Variants in PHACTR1 observed in about 807,000 individuals in gnomAD.
PHACTR1 encodes the protein phosphatase and actin regulator 1.
Under a neutral mutation model 69.2 loss-of-function variants are expected in PHACTR1, and 16 were observed. The observed-to-expected ratio is 0.23, with a 90% CI of 0.16 to 0.35. PHACTR1 has a LOEUF of 0.35. PHACTR1 is among the 10% of genes least tolerant of loss of function. PHACTR1 has a pLI of 1.00. For synonymous variants in PHACTR1, 312 were observed against 284.5 expected (o/e 1.10, Z -0.97); for missense variants, 510 against 734.7 (o/e 0.69, Z 3.54).
chr6:13,100,770 G>A (rs186637423), intron 5 of PHACTR1, among the ~76,000 whole-genome samples: 100 of 152,312 alleles, frequency 6.6e-4, no homozygotes, highest in Non-Finnish European at 2.1e-4. Flanking sequence ...AATGTAAGAC[G>A]ATTGATGCTT....
rs1250584454 is a variant in PHACTR1 at position 13,272,930 on chromosome 6, C to A, written c.1447+15C>A. On this transcript the variant is annotated intron_variant, in intron 11 of 14. Transcript: ENST00000332995. ...CATTTTGAAACGTAAGTGACTAAGCCCATGGCAATCCCTGATGTTTTGTGG... is the reference window on the plus strand; with the variant it reads ...CATTTTGAAACGTAAGTGACTAAGCACATGGCAATCCCTGATGTTTTGTGG... The A allele has an allele frequency of 6.2e-7, 1 of 1,613,584 alleles. No homozygotes were observed. Among genetic ancestry groups the A allele is most frequent in the Admixed American group, 1.7e-5 (1 of 59,882 alleles).
intron 4 of PHACTR1, among the ~76,000 whole-genome samples, chr6:12,834,445 A>G (rs1777931026): frequency 6.6e-6 from 1 of 152,196 alleles, no homozygotes; most frequent in Non-Finnish European, 1.5e-5. Flanking sequence ...GTTTAAAATG[A>G]TAAAGTGAAA....
At chr6:12,753,943 A>AATATATATATAT (rs775836853) in intron 4 of PHACTR1, among the ~76,000 whole-genome samples, 4 of 86,274 alleles carry the variant, frequency 4.6e-5, no homozygotes, top group South Asian at 3.1e-4. Context: ...GCAAGTTGTA[A>AATATATATATAT]ATATATATAT....
intron 4 of PHACTR1, among the ~76,000 whole-genome samples, chr6:12,887,312 A>C (rs188538249): frequency 2.2e-4 from 34 of 152,360 alleles, no homozygotes; most frequent in Admixed American, 1.3e-3. Context: ...ACCTGAAGAC[A>C]GTAAAGGGAG....
intron 4 of PHACTR1, among the ~76,000 whole-genome samples, chr6:12,836,210 G>A (rs1180560833): frequency 6.6e-6 from 1 of 152,082 alleles, no homozygotes; most frequent in Non-Finnish European, 1.5e-5. Flanking sequence ...AAAATATGAA[G>A]TATCAGCCTG....
At chr6:13,019,494 G>T (rs1010722011) in intron 4 of PHACTR1, among the ~76,000 whole-genome samples, 11 of 152,174 alleles carry the variant, frequency 7.2e-5, no homozygotes, top group Non-Finnish European at 1.2e-4. Flanking sequence ...TCTGTTTCAG[G>T]CTCAGAGTAT....
intron 4 of PHACTR1, among the ~76,000 whole-genome samples, chr6:12,758,466 TA>T (rs11361990): frequency 0.35 from 33,044 of 95,778 alleles, 4,504 homozygotes; most frequent in Middle Eastern, 0.53. Context: ...ACTCTCTTTC[TA>T]AAAAAAAAAA....
intron 4 of PHACTR1, among the ~76,000 whole-genome samples, chr6:12,860,842 C>G (rs895163578): frequency 2.0e-5 from 3 of 152,172 alleles, no homozygotes; most frequent in African/African-American, 7.2e-5. Context: ...TAAGTGTACT[C>G]TTCTTCCAAG....
intron 4 of PHACTR1, among the ~76,000 whole-genome samples, chr6:12,861,066 T>G (rs192503515): frequency 2.1e-3 from 324 of 152,370 alleles, no homozygotes; most frequent in African/African-American, 7.5e-3. Context: ...ACACAGTTTT[T>G]GATGTGTTAT....
intron 4 of PHACTR1, among the ~76,000 whole-genome samples, chr6:12,836,831 C>T (rs1778219773): frequency 6.6e-6 from 1 of 152,104 alleles, no homozygotes; most frequent in African/African-American, 2.4e-5. Flanking sequence ...TCTTTCAGGT[C>T]CTACATGCCA....
intron 4 of PHACTR1, among the ~76,000 whole-genome samples, chr6:12,980,022 T>C (rs533958099): frequency 6.6e-6 from 1 of 152,308 alleles, no homozygotes; most frequent in Admixed American, 6.5e-5. Flanking sequence ...GTGGAGATAG[T>C]TCTCTTCATG....
At chr6:12,850,944 G>A (rs1779764281) in intron 4 of PHACTR1, among the ~76,000 whole-genome samples, 1 of 152,166 alleles carries the variant, frequency 6.6e-6, no homozygotes, top group African/African-American at 2.4e-5. Context: ...CACATTCCAA[G>A]GTACGGGAAT....
At chr6:12,929,222 C>T (rs1788610599) in intron 4 of PHACTR1, among the ~76,000 whole-genome samples, 1 of 152,126 alleles carries the variant, frequency 6.6e-6, no homozygotes, top group African/African-American at 2.4e-5. Context: ...TCAGAGTTTC[C>T]CCACGTGGTT....
At chr6:13,122,470 C>G (rs1346726835) in intron 5 of PHACTR1, among the ~76,000 whole-genome samples, 6 of 152,162 alleles carry the variant, frequency 3.9e-5, no homozygotes, top group Admixed American at 3.9e-4. Context: ...CAGCATGGTG[C>G]TTGTAGGTTA....
chr6:12,721,932 C>T (rs937882172), intron 3 of PHACTR1, among the ~76,000 whole-genome samples: 2 of 152,140 alleles, frequency 1.3e-5, no homozygotes, highest in Admixed American at 1.3e-4. Context: ...GGCAAGGCTC[C>T]GAGGACCAGT....
intron 5 of PHACTR1, among the ~76,000 whole-genome samples, chr6:13,089,023 A>G (rs1267105220): frequency 1.3e-5 from 2 of 152,230 alleles, no homozygotes; most frequent in African/African-American, 4.8e-5. Context: ...GGTGATAGGA[A>G]GGGGCTGCTT....
intron 4 of PHACTR1, among the ~76,000 whole-genome samples, chr6:12,894,549 G>A (rs1050536078): frequency 2.0e-5 from 3 of 152,224 alleles, no homozygotes; most frequent in Non-Finnish European, 4.4e-5. Flanking sequence ...ATGTAGCAGT[G>A]AGCCGAGGTC....
intron 6 of PHACTR1, among the ~76,000 whole-genome samples, chr6:13,178,378 A>C (rs4097413): frequency 6.6e-6 from 1 of 152,244 alleles, no homozygotes; most frequent in Non-Finnish European, 1.5e-5. Flanking sequence ...AGGCACAATT[A>C]CACTGCAGTT....
intron 4 of PHACTR1, among the ~76,000 whole-genome samples, chr6:12,998,204 T>C (rs900340995): frequency 1.3e-5 from 2 of 152,158 alleles, no homozygotes; most frequent in East Asian, 1.9e-4. Flanking sequence ...TCACATCATA[T>C]ATAAAAACAA....
Sources: gnomAD v4.1 joint callset for allele counts (sites outside exome capture counted in the v4.1 genomes callset) on GRCh38, gnomAD v4.1.1 for gene constraint, MANE v1.5 for transcripts, NCBI Gene and HGNC (gene_info 2026-07-23, HGNC 2026-07-21) for gene names.